The following ZBTB7C variants were observed in gnomAD, a reference collection of about 807,000 sequenced individuals.
The protein encoded by ZBTB7C is zinc finger and BTB domain-containing protein 7C.
Under a neutral mutation model 25.7 loss-of-function variants are expected in ZBTB7C, and 8 were observed. The observed-to-expected ratio is 0.31, with a 90% CI of 0.18 to 0.56. ZBTB7C has a LOEUF of 0.56. ZBTB7C is among the 20% of genes least tolerant of loss of function. The pLI, the probability that ZBTB7C is intolerant of heterozygous loss-of-function variation, is 0.91. For synonymous variants in ZBTB7C, 394 were observed against 369.0 expected, an observed-to-expected ratio of 1.07 and a Z score of -0.78; for missense variants, 824 against 855.2, an observed-to-expected ratio of 0.96 and a Z score of 0.46.
intron 1 of ZBTB7C, among the ~76,000 whole-genome samples, chr18:48,340,734 G>A (rs775476067): frequency 5.3e-5 from 8 of 152,174 alleles, no homozygotes; most frequent in Non-Finnish European, 1.0e-4. Context: ...TGGTGCTGTC[G>A]CCCTCACTCC....
chr18:48,208,447 C>A (rs1412826355), intron 2 of ZBTB7C, among the ~76,000 whole-genome samples: 5 of 152,042 alleles, frequency 3.3e-5, no homozygotes, highest in African/African-American at 1.2e-4. Flanking sequence ...CTTTTTAAAA[C>A]CCCAGATCTT....
rs1205368076 is a variant in ZBTB7C, at chr18:48,028,929, A to G, written c.*331T>C. The G allele has an allele frequency of 3.2e-6, 1 of 310,554 alleles. No homozygotes were observed. Among genetic ancestry groups the G allele is most frequent in the Non-Finnish European group, 5.8e-6 (1 of 171,226 alleles). The allele number at this position is 310,554 out of a possible 1,614,324, so 19.2% of individuals were successfully genotyped here. On this transcript the variant is annotated 3_prime_UTR_variant, in exon 5 of 5. Coordinates refer to ENST00000590800, the MANE Select transcript of ZBTB7C (RefSeq NM_001318841.2). ...TGGGCACCAGGCCAACCACCCCCTG[A>G]CCCCTCATGACTCACCCAGCTCCTA...
intron 2 of ZBTB7C, among the ~76,000 whole-genome samples, chr18:48,289,266 C>T (rs1449670999): frequency 1.3e-5 from 2 of 152,146 alleles, no homozygotes; most frequent in Non-Finnish European, 2.9e-5. Context: ...ATGTTATTCA[C>T]ATCTAGTCTC....
At chr18:48,308,257 C>G (rs1029776277) in intron 2 of ZBTB7C, among the ~76,000 whole-genome samples, 2 of 152,236 alleles carry the variant, frequency 1.3e-5, no homozygotes, top group Admixed American at 6.5e-5. Flanking sequence ...CCAGATTCCC[C>G]ATCTCAGAGG....
chr18:48,345,483 A>G (rs1022388686), intron 1 of ZBTB7C, among the ~76,000 whole-genome samples: 1 of 152,116 alleles, frequency 6.6e-6, no homozygotes, highest in Non-Finnish European at 1.5e-5. Context: ...CGACTCCCAA[A>G]TGCCCAACCC....
intron 3 of ZBTB7C, among the ~76,000 whole-genome samples, chr18:48,157,759 T>A (rs117201352): frequency 0.012 from 1,817 of 152,298 alleles, 20 homozygotes; most frequent in Admixed American, 0.024. Context: ...ATCTGTAAAG[T>A]GCTTAGAACA....
At chr18:48,283,933 G>T (rs2044949302) in intron 2 of ZBTB7C, among the ~76,000 whole-genome samples, 1 of 151,758 alleles carries the variant, frequency 6.6e-6, no homozygotes. Context: ...GATCACCTGA[G>T]GTCAGGAGTT....
intron 1 of ZBTB7C, among the ~76,000 whole-genome samples, chr18:48,389,981 G>T (rs1341123700): frequency 6.6e-6 from 1 of 152,172 alleles, no homozygotes; most frequent in Non-Finnish European, 1.5e-5. Flanking sequence ...AATTTTTTCA[G>T]TGTATTTAAA....
intron 3 of ZBTB7C, among the ~76,000 whole-genome samples, chr18:48,092,988 G>T (rs140554971): frequency 6.6e-6 from 1 of 152,180 alleles, no homozygotes; most frequent in Non-Finnish European, 1.5e-5. Flanking sequence ...CAGGGGTTTT[G>T]CATTTCTACA....
Position 48,337,175 on chromosome 18 carries a change from C to A in ZBTB7C, c.-79+999G>T, listed in dbSNP as rs1412328037. On this transcript the variant is annotated intron_variant, in intron 2 of 4. Coordinates refer to ENST00000590800, the MANE Select transcript of ZBTB7C (RefSeq NM_001318841.2). The stretch of plus-strand genomic sequence containing the variant: ...ATCCCTTGGCTCTGACCCTGGGGAC[C>A]CTGACACTGGCCTGTACTGAAAAGG... 2.6e-5 allele frequency among the ~76,000 whole-genome samples: 4 copies of A among 152,164 alleles called. No individual in the cohort carries two copies. The East Asian group carries it at 7.7e-4, about 29-fold the overall frequency.
At chr18:48,294,622 C>T (rs769577523) in intron 2 of ZBTB7C, among the ~76,000 whole-genome samples, 35 of 152,130 alleles carry the variant, frequency 2.3e-4, no homozygotes, top group Non-Finnish European at 4.0e-4. Flanking sequence ...TCCACCCACA[C>T]GGTAAGGTCC....
At chr18:48,179,335 G>A (rs758071774) in intron 3 of ZBTB7C, among the ~76,000 whole-genome samples, 2 of 152,172 alleles carry the variant, frequency 1.3e-5, no homozygotes, top group African/African-American at 4.8e-5. Flanking sequence ...CCTGGTGGCC[G>A]AGTTACACAG....
In ZBTB7C at chr18:48,040,753, T is replaced by C. The variant is rs1398573239; in HGVS notation, c.355A>G (p.Ile119Val). Residue 119 changes from isoleucine (I) to valine (V), a missense_variant, in exon 4 of 5, where the codon ATC becomes GTC. Physicochemically the swap from Ile to Val is conservative, Grantham distance 29. Coordinates refer to ENST00000590800, the MANE Select transcript of ZBTB7C (RefSeq NM_001318841.2). ...NAARMLEIQCIVNVCLEIMEP... is the reference protein window; with the variant it reads ...NAARMLEIQCVVNVCLEIMEP... ...ATGATCTCCAGGCACACGTTCACGA[T>C]GCACTGGATCTCCAGCATCCTGGCT... is the stretch of plus-strand genomic sequence containing the variant. 6.2e-7 allele frequency: 1 copy of C among 1,613,890 alleles called. No homozygotes were observed. Among genetic ancestry groups the C allele is most frequent in the Non-Finnish European group, 8.5e-7 (1 of 1,180,000 alleles).
intron 3 of ZBTB7C, among the ~76,000 whole-genome samples, chr18:48,046,355 A>G (rs964897024): frequency 3.9e-5 from 6 of 152,182 alleles, no homozygotes; most frequent in Admixed American, 3.3e-4. Context: ...ACCTTTTTCT[A>G]ATTCTCACAA....
At chr18:48,142,759 A>G (rs2040387128) in intron 3 of ZBTB7C, among the ~76,000 whole-genome samples, 1 of 147,194 alleles carries the variant, frequency 6.8e-6, no homozygotes, top group Non-Finnish European at 1.5e-5. Flanking sequence ...GGGTGGCACC[A>G]CTAGCTAGGG....
intron 3 of ZBTB7C, chr18:48,147,721 T>C (rs1231846051): frequency 2.0e-5 from 3 of 152,056 alleles, no homozygotes; most frequent in African/African-American, 4.8e-5. Context: ...GTTCAAGCCA[T>C]TCTCCTGCCT....
At chr18:48,072,243 AT>A (rs2037570464) in intron 3 of ZBTB7C, among the ~76,000 whole-genome samples, 1 of 152,232 alleles carries the variant, frequency 6.6e-6, no homozygotes, top group Non-Finnish European at 1.5e-5. Context: ...ACTTCTCTGA[AT>A]TTCAAGTCTG....
chr18:48,245,886 T>C (rs1361188023), intron 2 of ZBTB7C, among the ~76,000 whole-genome samples: 2 of 152,156 alleles, frequency 1.3e-5, no homozygotes, highest in African/African-American at 2.4e-5. Flanking sequence ...TAAAGAATGT[T>C]GGGGATGGAA....
chr18:48,408,181 G>T (rs1568431098), intron 1 of ZBTB7C, among the ~76,000 whole-genome samples: 1 of 152,204 alleles, frequency 6.6e-6, no homozygotes, highest in Non-Finnish European at 1.5e-5. Flanking sequence ...CGCCGCGGAA[G>T]GTTGGGTACC....
Sources: gnomAD v4.1 joint callset for allele counts (sites outside exome capture counted in the v4.1 genomes callset) on GRCh38, gnomAD v4.1.1 for gene constraint, MANE v1.5 for transcripts, NCBI Gene and HGNC (gene_info 2026-07-23, HGNC 2026-07-21) for gene names.